SBF2: variants seen among roughly 807,000 people sequenced by gnomAD.
SBF2 encodes the protein myotubularin-related protein 13.
Under a neutral mutation model 225.2 loss-of-function variants are expected in SBF2, and 112 were observed. The ratio of observed to expected loss-of-function variants is 0.50; its 90% CI spans 0.43 to 0.58. The LOEUF (loss-of-function observed/expected upper bound fraction) is 0.58, where lower values mean the gene tolerates loss of function less well. SBF2 is among the 20% of genes least tolerant of loss of function. The pLI is 0.00. For synonymous variants in SBF2, 763 were observed against 773.3 expected (o/e 0.99, Z 0.22); for missense variants, 1,996 against 2,206.2 (o/e 0.90, Z 1.91).
intron 1 of SBF2, among the ~76,000 whole-genome samples, chr11:10,254,689 T>C (rs1477675600): frequency 1.3e-5 from 2 of 150,712 alleles, no homozygotes; most frequent in East Asian, 3.9e-4. Flanking sequence ...GTGGGTCACT[T>C]GAGGTCAGGA....
chr11:9,900,044 T>TAAAAAAAA (rs1347991488), intron 16 of SBF2, among the ~76,000 whole-genome samples: 78 of 140,446 alleles, frequency 5.6e-4, no homozygotes, highest in Middle Eastern at 3.6e-3. Context: ...TTTTTTTTTT[T>TAAAAAAAA]AAAAAAAAAA....
At chr11:10,057,529 C>A (rs1950296066) in intron 2 of SBF2, among the ~76,000 whole-genome samples, 1 of 152,174 alleles carries the variant, frequency 6.6e-6, no homozygotes, top group Non-Finnish European at 1.5e-5. Flanking sequence ...AACTCTCTAT[C>A]CTGGGATGAT....
At chr11:10,135,848 C>T (rs746822661) in intron 2 of SBF2, among the ~76,000 whole-genome samples, 4 of 152,256 alleles carry the variant, frequency 2.6e-5, no homozygotes, top group South Asian at 4.2e-4. Context: ...GTTCCAACCT[C>T]GGCCTGCTAC....
At chr11:10,246,234 C>T (rs1000857850) in intron 1 of SBF2, among the ~76,000 whole-genome samples, 1 of 152,122 alleles carries the variant, frequency 6.6e-6, no homozygotes, top group African/African-American at 2.4e-5. Context: ...TACTTATTGC[C>T]AAACTCCTCA....
intron 12 of SBF2, among the ~76,000 whole-genome samples, chr11:9,990,190 G>A (rs12295754): frequency 0.52 from 79,507 of 151,830 alleles, 21,329 homozygotes; most frequent in Admixed American, 0.62. Context: ...AAATTGTGGG[G>A]GGGTAAATAG....
At chr11:9,968,701 C>G (rs1432231733) in intron 13 of SBF2, among the ~76,000 whole-genome samples, 156 bp from the exon 14 acceptor site, 1 of 152,166 alleles carries the variant, frequency 6.6e-6, no homozygotes, top group African/African-American at 2.4e-5. Context: ...CTTACTTCTT[C>G]TTACATGCTC....
At chr11:9,846,836 A>G in intron 23 of SBF2, 120 bp downstream of exon 23, 1 of 1,136,656 alleles carries the variant, frequency 8.8e-7, no homozygotes, top group Non-Finnish European at 1.3e-6. Flanking sequence ...CTCAGACCCT[A>G]TGATCTTCCC....
intron 26 of SBF2, among the ~76,000 whole-genome samples, chr11:9,836,822 G>C (rs1041830986): frequency 2.6e-5 from 4 of 152,084 alleles, no homozygotes; most frequent in African/African-American, 7.2e-5. Flanking sequence ...GTTTTTTAGT[G>C]CTACTGTAAA....
chr11:10,270,715 C>A lies in SBF2; in HGVS notation c.55+23300G>T, dbSNP rs552334392. Among the ~76,000 whole-genome samples, 40 of 152,134 alleles carry A rather than the reference C, an allele frequency of 2.6e-4. No individual in the cohort carries two copies. The South Asian group carries it at 3.9e-3, about 15-fold the overall frequency. On this transcript the variant is annotated intron_variant, in intron 1 of 39. Coordinates refer to ENST00000256190, the MANE Select transcript of SBF2 (RefSeq NM_030962.4). ...ATGTTTTTAAGAAGTAAAATGAGGA[C>A]GGGCGCGGTGGCTCACGCCTGTAAT...
At chr11:10,241,965 C>G (rs1186414554) in intron 1 of SBF2, among the ~76,000 whole-genome samples, 1 of 151,836 alleles carries the variant, frequency 6.6e-6, no homozygotes, top group African/African-American at 2.4e-5. Context: ...CTACAGACCA[C>G]ACCACCAGAC....
chr11:9,921,996 AG>A (rs1264759003), intron 16 of SBF2, among the ~76,000 whole-genome samples: 4 of 152,210 alleles, frequency 2.6e-5, no homozygotes, highest in African/African-American at 9.7e-5. Context: ...CTGTAATCCT[AG>A]TACTTTAGGA....
intron 8 of SBF2, among the ~76,000 whole-genome samples, chr11:10,000,360 T>G: frequency 6.6e-6 from 1 of 152,216 alleles, no homozygotes; most frequent in East Asian, 1.9e-4. Context: ...TGCTTTATTT[T>G]GTTACAGTCC....
At chr11:10,293,984 G>A in intron 1 of SBF2, 31 bp downstream of exon 1, 2 of 1,318,946 alleles carry the variant, frequency 1.5e-6, no homozygotes, top group East Asian at 3.2e-5. Flanking sequence ...GGGCGGGGAG[G>A]CCCGGGGGCG....
chr11:9,961,131 C>G (rs1866541100), intron 16 of SBF2: 1 of 152,128 alleles, frequency 6.6e-6, no homozygotes, highest in Admixed American at 6.5e-5. Context: ...GAATTGATAT[C>G]TTTAACATAT....
At chr11:9,902,791 A>C (rs1861819292) in intron 16 of SBF2, among the ~76,000 whole-genome samples, 1 of 152,198 alleles carries the variant, frequency 6.6e-6, no homozygotes, top group African/African-American at 2.4e-5. Context: ...TAAACTATAC[A>C]ACCATGGTAG....
intron 2 of SBF2, among the ~76,000 whole-genome samples, chr11:10,132,728 C>A (rs546673895): frequency 6.7e-6 from 1 of 148,578 alleles, no homozygotes; most frequent in South Asian, 2.1e-4. Context: ...GGGACCCGAG[C>A]GGGTTGCCAA....
intron 16 of SBF2, among the ~76,000 whole-genome samples, chr11:9,903,698 G>A (rs376393928): frequency 1.2e-4 from 19 of 152,172 alleles, no homozygotes; most frequent in African/African-American, 4.1e-4. Context: ...TTATTTATAC[G>A]CTGGCCCCTT....
At chr11:10,130,405 A>C (rs1953982654) in intron 2 of SBF2, among the ~76,000 whole-genome samples, 1 of 152,122 alleles carries the variant, frequency 6.6e-6, no homozygotes, top group South Asian at 2.1e-4. Flanking sequence ...CACTCTTAAC[A>C]ATATACCCTT....
intron 15 of SBF2, 86 bp from the exon 16 acceptor site, chr11:9,962,192 C>T: frequency 8.6e-7 from 1 of 1,157,018 alleles, no homozygotes; most frequent in East Asian, 2.3e-5. Flanking sequence ...AATTCAAACG[C>T]ATCCTATAAT....
Sources: allele counts gnomAD v4.1 joint callset (sites outside exome capture counted in the v4.1 genomes callset), GRCh38; gene constraint gnomAD v4.1.1; transcripts MANE v1.5; gene names NCBI Gene and HGNC (gene_info 2026-07-23, HGNC 2026-07-21).